TNFSF4: variants seen among roughly 807,000 people sequenced by gnomAD.
TNFSF4 encodes the protein TNF superfamily member 4.
A neutral mutation model predicts 7.3 loss-of-function variants in TNFSF4; 4 were observed. The ratio of observed to expected loss-of-function variants is 0.55; its 90% CI spans 0.27 to 1.25. The LOEUF (loss-of-function observed/expected upper bound fraction) is 1.25, where lower values mean the gene tolerates loss of function less well. Among genes scored for constraint, TNFSF4 ranks in the 50% most tolerant of loss-of-function variants. The pLI is 0.12. For missense variants in TNFSF4, 181 were observed against 208.8 expected (o/e 0.87, Z 0.82); for synonymous variants, 76 against 83.7 (o/e 0.91, Z 0.50).
chr1:173,207,557 T>C (rs1193192461), upstream of TNFSF4, among the ~76,000 whole-genome samples: 1 of 152,046 alleles, frequency 6.6e-6, no homozygotes, highest in African/African-American at 2.4e-5. Flanking sequence ...CAGTAACAAA[T>C]TGTGGGTCAC....
At chr1:173,321,707 T>C in the TNFSF4 span, among the ~76,000 whole-genome samples, 1 of 151,688 alleles carries the variant, frequency 6.6e-6, no homozygotes, top group African/African-American at 2.4e-5. Flanking sequence ...AGCCAATAGA[T>C]ATAAAAAAGG....
the TNFSF4 span, among the ~76,000 whole-genome samples, chr1:173,328,668 A>T: frequency 6.6e-6 from 1 of 152,034 alleles, no homozygotes; most frequent in African/African-American, 2.4e-5. Context: ...TGCATCCCAG[A>T]ACTTAAAGTA....
chr1:173,215,723 A>T, the TNFSF4 span, among the ~76,000 whole-genome samples: 1 of 152,222 alleles, frequency 6.6e-6, no homozygotes, highest in African/African-American at 2.4e-5. Context: ...GCAATCATCA[A>T]CATCTTTATC....
the TNFSF4 span, among the ~76,000 whole-genome samples, chr1:173,284,868 T>A: frequency 8.5e-5 from 13 of 152,302 alleles, no homozygotes; most frequent in Admixed American, 6.5e-5. Flanking sequence ...AGATACCTGA[T>A]GGAGATAAAC....
the TNFSF4 span, among the ~76,000 whole-genome samples, chr1:173,432,783 C>G: frequency 6.6e-6 from 1 of 151,974 alleles, no homozygotes; most frequent in Non-Finnish European, 1.5e-5. Context: ...TACCTATAAT[C>G]TACCTTGTTC....
At chr1:173,248,406 G>A in the TNFSF4 span, among the ~76,000 whole-genome samples, 3 of 135,048 alleles carry the variant, frequency 2.2e-5, no homozygotes, top group African/African-American at 8.3e-5. Flanking sequence ...AAGGAAGGAA[G>A]GAAAGAAAGA....
At chr1:173,332,310 T>A in the TNFSF4 span, among the ~76,000 whole-genome samples, 2 of 152,140 alleles carry the variant, frequency 1.3e-5, no homozygotes, top group Non-Finnish European at 2.9e-5. Flanking sequence ...AGGGGAAGAC[T>A]AACAAACCCT....
the TNFSF4 span, among the ~76,000 whole-genome samples, chr1:173,288,871 T>G: frequency 1.3e-5 from 2 of 152,102 alleles, no homozygotes; most frequent in Admixed American, 6.6e-5. Flanking sequence ...TCCTTCTCCT[T>G]TGTAAAACTA....
the TNFSF4 span, among the ~76,000 whole-genome samples, chr1:173,373,307 G>A: frequency 6.6e-6 from 1 of 152,162 alleles, no homozygotes; most frequent in Non-Finnish European, 1.5e-5. Flanking sequence ...CAGATGCTGA[G>A]GCCAAAATTG....
the TNFSF4 span, among the ~76,000 whole-genome samples, chr1:173,267,622 G>A: frequency 6.6e-6 from 1 of 152,150 alleles, no homozygotes; most frequent in African/African-American, 2.4e-5. Flanking sequence ...TGTGGGTCAT[G>A]AATGATCTAG....
chr1:173,179,369 T>C (rs1208884290), downstream of TNFSF4, among the ~76,000 whole-genome samples: 2 of 152,174 alleles, frequency 1.3e-5, no homozygotes, highest in Non-Finnish European at 2.9e-5. Context: ...GTCCCTTCAC[T>C]TTCACCTTCT....
At chr1:173,345,138 T>A in the TNFSF4 span, among the ~76,000 whole-genome samples, 2 of 152,314 alleles carry the variant, frequency 1.3e-5, no homozygotes, top group South Asian at 4.1e-4. Flanking sequence ...CCCTTTGTAA[T>A]AAAAGAACAG....
At chr1:173,312,600 A>G in the TNFSF4 span, among the ~76,000 whole-genome samples, 2 of 152,128 alleles carry the variant, frequency 1.3e-5, no homozygotes, top group Non-Finnish European at 1.5e-5. Context: ...GAAGCCAAAT[A>G]GATTTCCTAA....
chr1:173,248,114 G>T, the TNFSF4 span, among the ~76,000 whole-genome samples: 1 of 152,110 alleles, frequency 6.6e-6, no homozygotes. Flanking sequence ...CCAGCACTTT[G>T]GGAGGCCGAG....
At chr1:173,416,820 C>T in the TNFSF4 span, among the ~76,000 whole-genome samples, 1 of 151,922 alleles carries the variant, frequency 6.6e-6, no homozygotes, top group African/African-American at 2.4e-5. Flanking sequence ...TGATCTCAAA[C>T]TCCTGGACTC....
At chr1:173,391,832 A>C in the TNFSF4 span, among the ~76,000 whole-genome samples, 2 of 152,204 alleles carry the variant, frequency 1.3e-5, no homozygotes, top group South Asian at 2.1e-4. Flanking sequence ...GGAGCCTTCA[A>C]GGACAAAATT....
At chr1:173,382,272 C>G in the TNFSF4 span, among the ~76,000 whole-genome samples, 2 of 152,068 alleles carry the variant, frequency 1.3e-5, no homozygotes, top group East Asian at 3.9e-4. Flanking sequence ...TGTGGCTTCA[C>G]TCCTGAAATC....
chr1:173,357,017 T>C, the TNFSF4 span, among the ~76,000 whole-genome samples: 2 of 152,252 alleles, frequency 1.3e-5, no homozygotes, highest in South Asian at 2.1e-4. Context: ...TTTCTCTTTT[T>C]GTTCCTAACT....
At chr1:173,174,373 C>T in the TNFSF4 span, 1 of 152,230 alleles carries the variant, frequency 6.6e-6, no homozygotes, top group African/African-American at 2.4e-5. Context: ...AAGTAACTTC[C>T]ACATTTTCAT....
Sources: allele counts gnomAD v4.1 joint callset (sites outside exome capture counted in the v4.1 genomes callset), GRCh38; gene constraint gnomAD v4.1.1; transcripts MANE v1.5; gene names NCBI Gene and HGNC (gene_info 2026-07-23, HGNC 2026-07-21).